The following RBFOX2 variants were observed in gnomAD, a reference collection of about 807,000 sequenced individuals.
The protein encoded by RBFOX2 is RNA binding protein fox-1 homolog 2.
Under a neutral mutation model 49.1 loss-of-function variants are expected in RBFOX2, and 10 were observed. The observed-to-expected ratio is 0.20, with a 90% CI of 0.13 to 0.35. The LOEUF (loss-of-function observed/expected upper bound fraction) is 0.35, where lower values mean the gene tolerates loss of function less well. Among genes scored for constraint, RBFOX2 ranks in the 10% least tolerant of loss-of-function variants. RBFOX2 has a pLI of 1.00. For missense variants in RBFOX2, 323 were observed against 486.9 expected, an observed-to-expected ratio of 0.66 and a Z score of 3.17; for synonymous variants, 183 against 187.4, an observed-to-expected ratio of 0.98 and a Z score of 0.19.
At chr22:35,962,972 A>AG (rs1283189638), upstream of RBFOX2, among the ~76,000 whole-genome samples, 3 of 150,572 alleles carry the variant, frequency 2.0e-5, no homozygotes, top group Non-Finnish European at 4.4e-5. Flanking sequence ...AAGGGAGAAA[A>AG]GGAATGAAAA....
intron 1 of RBFOX2, among the ~76,000 whole-genome samples, chr22:35,858,131 T>C (rs1282619149): frequency 6.6e-6 from 1 of 152,216 alleles, no homozygotes; most frequent in Non-Finnish European, 1.5e-5. Context: ...ATGGTCAGAA[T>C]GAAAAATAGA....
chr22:35,883,682 T>A (rs1167634310), intron 1 of RBFOX2, among the ~76,000 whole-genome samples: 1 of 152,188 alleles, frequency 6.6e-6, no homozygotes, highest in Non-Finnish European at 1.5e-5. Flanking sequence ...CCAGAGGGGA[T>A]CTGCAATGTT....
intron 1 of RBFOX2, among the ~76,000 whole-genome samples, chr22:35,893,013 C>A (rs2047428605): frequency 6.6e-6 from 1 of 152,194 alleles, no homozygotes; most frequent in African/African-American, 2.4e-5. Context: ...TTCTGCACGT[C>A]CTCAATGAAG....
At chr22:35,826,000 A>G (rs1425628088) in intron 1 of RBFOX2, among the ~76,000 whole-genome samples, 2 of 149,818 alleles carry the variant, frequency 1.3e-5, no homozygotes, top group African/African-American at 2.5e-5. Context: ...AAAAAAAAAA[A>G]AAAGGAATTA....
intron 5 of RBFOX2, among the ~76,000 whole-genome samples, chr22:35,767,889 A>G (rs1391736101): frequency 2.0e-5 from 3 of 152,204 alleles, no homozygotes; most frequent in East Asian, 3.8e-4. Flanking sequence ...ACAATTTAAC[A>G]TTAGTTTTGC....
chr22:35,830,197 T>C (rs1423060409), intron 1 of RBFOX2, among the ~76,000 whole-genome samples: 1 of 152,230 alleles, frequency 6.6e-6, no homozygotes, highest in Non-Finnish European at 1.5e-5. Context: ...ATTTGCTGGA[T>C]GCTGACACTG....
intron 1 of RBFOX2, among the ~76,000 whole-genome samples, chr22:35,823,582 A>T (rs967290491): frequency 6.6e-6 from 1 of 152,232 alleles, no homozygotes; most frequent in Non-Finnish European, 1.5e-5. Flanking sequence ...AGAAGTAATG[A>T]TTTATTTTCT....
chr22:35,767,627 G>A (rs1466562206), intron 5 of RBFOX2, among the ~76,000 whole-genome samples: 1 of 152,066 alleles, frequency 6.6e-6, no homozygotes, highest in Non-Finnish European at 1.5e-5. Flanking sequence ...CAGTACATTC[G>A]CCAGCCAGCC....
intron 1 of RBFOX2, chr22:35,836,546 C>A (rs921674412): frequency 6.6e-6 from 1 of 152,304 alleles, no homozygotes; most frequent in African/African-American, 2.4e-5. Flanking sequence ...TTTAAAGGAA[C>A]AGCAACCCCC....
At chr22:35,906,466 T>G (rs931835267) in intron 1 of RBFOX2, among the ~76,000 whole-genome samples, 1 of 152,186 alleles carries the variant, frequency 6.6e-6, no homozygotes, top group African/African-American at 2.4e-5. Flanking sequence ...AAAATCACAC[T>G]TTTTCCTTTA....
chr22:35,820,026 T>C (rs761667160), intron 1 of RBFOX2, among the ~76,000 whole-genome samples: 3 of 152,076 alleles, frequency 2.0e-5, no homozygotes, highest in Admixed American at 1.3e-4. Context: ...ACTAGGAACA[T>C]GGAGGCCTTG....
At chr22:35,792,226 A>C (rs867820242) in intron 2 of RBFOX2, among the ~76,000 whole-genome samples, 9 of 149,944 alleles carry the variant, frequency 6.0e-5, no homozygotes, top group Admixed American at 1.3e-4. Flanking sequence ...CTTTGGCACG[A>C]GAATTGCTTG....
chr22:35,963,900 C>T (rs993815530), upstream of RBFOX2, among the ~76,000 whole-genome samples: 13 of 152,220 alleles, frequency 8.5e-5, no homozygotes, highest in East Asian at 1.9e-4. Context: ...CAAGCGCCAC[C>T]GGGCCTGGGT....
intron 1 of RBFOX2, among the ~76,000 whole-genome samples, chr22:35,958,046 T>G (rs2055782167): frequency 6.6e-6 from 1 of 152,192 alleles, no homozygotes; most frequent in Non-Finnish European, 1.5e-5. Flanking sequence ...AAAAAGTCCC[T>G]TTAAGACAGG....
intron 1 of RBFOX2, among the ~76,000 whole-genome samples, chr22:35,875,760 T>C (rs2044995920): frequency 6.6e-6 from 1 of 151,904 alleles, no homozygotes; most frequent in Non-Finnish European, 1.5e-5. Flanking sequence ...CTGCCTATTC[T>C]CCTAGCGCCT....
At chr22:36,010,738 C>CAG (rs1164803452) in intron 1 of RBFOX2, among the ~76,000 whole-genome samples, 48 of 111,706 alleles carry the variant, frequency 4.3e-4, no homozygotes, top group African/African-American at 1.6e-3. Flanking sequence ...TCAGTACACA[C>CAG]ACACACACAC....
At chr22:35,806,072 C>T (rs1230332496) in intron 2 of RBFOX2, among the ~76,000 whole-genome samples, 1 of 152,098 alleles carries the variant, frequency 6.6e-6, no homozygotes, top group Non-Finnish European at 1.5e-5. Flanking sequence ...ATATGCTATA[C>T]ATTTATCCAA....
intron 1 of RBFOX2, among the ~76,000 whole-genome samples, chr22:35,811,672 T>G (rs916160754): frequency 3.9e-5 from 6 of 152,106 alleles, no homozygotes; most frequent in African/African-American, 1.4e-4. Flanking sequence ...ACATAAAAAT[T>G]TTCCTGCTAT....
At chr22:35,886,467 T>C (rs1169972340) in intron 1 of RBFOX2, among the ~76,000 whole-genome samples, 2 of 152,192 alleles carry the variant, frequency 1.3e-5, no homozygotes, top group South Asian at 2.1e-4. Context: ...TCCTGTGAAA[T>C]GTGTTGTTAG....
Sources: allele counts gnomAD v4.1 joint callset (sites outside exome capture counted in the v4.1 genomes callset), GRCh38; gene constraint gnomAD v4.1.1; transcripts MANE v1.5; gene names NCBI Gene and HGNC (gene_info 2026-07-23, HGNC 2026-07-21).